ATRNL1: variants seen among roughly 807,000 people sequenced by gnomAD.
ATRNL1 encodes attractin-like protein 1.
ATRNL1 carries 95 observed loss-of-function variants against 182.7 expected under a neutral mutation model. The ratio of observed to expected loss-of-function variants is 0.52; its 90% CI spans 0.44 to 0.62. ATRNL1 has a LOEUF of 0.62. ATRNL1 is among the 20% of genes least tolerant of loss of function. The pLI, the probability that ATRNL1 is intolerant of heterozygous loss-of-function variation, is 0.00. For synonymous variants in ATRNL1, 576 were observed against 568.3 expected (o/e 1.01, Z -0.19); for missense variants, 1,471 against 1,679.5 (o/e 0.88, Z 2.17).
intron 27 of ATRNL1, among the ~76,000 whole-genome samples, chr10:115,809,927 G>A (rs1950010319): frequency 6.6e-6 from 1 of 151,676 alleles, no homozygotes; most frequent in South Asian, 2.1e-4. Context: ...TTAACTTCAG[G>A]TTTTGTAAGA....
At chr10:115,588,256 A>G (rs1855688530) in intron 26 of ATRNL1, among the ~76,000 whole-genome samples, 1 of 152,066 alleles carries the variant, frequency 6.6e-6, no homozygotes, top group African/African-American at 2.4e-5. Context: ...TATGCCATGG[A>G]TGGTGATTTA....
intron 25 of ATRNL1, among the ~76,000 whole-genome samples, chr10:115,535,499 A>T (rs1006723568): frequency 7.3e-5 from 11 of 150,290 alleles, no homozygotes; most frequent in African/African-American, 2.4e-4. Flanking sequence ...TATTCTAGTT[A>T]TACATTAGTC....
At chr10:115,353,034 A>G (rs1215784713) in intron 19 of ATRNL1, among the ~76,000 whole-genome samples, 6 of 152,172 alleles carry the variant, frequency 3.9e-5, no homozygotes, top group African/African-American at 1.4e-4. Context: ...AAGAATGTAT[A>G]TTTTTCACCC....
intron 3 of ATRNL1, 145 bp downstream of exon 3, chr10:115,121,957 G>T (rs975158392): frequency 2.4e-6 from 1 of 410,830 alleles, no homozygotes; most frequent in Non-Finnish European, 4.3e-6. Flanking sequence ...GTTATGTGCT[G>T]TAACTGTCAA....
At chr10:115,790,840 A>G (rs1365819086) in intron 27 of ATRNL1, among the ~76,000 whole-genome samples, 4 of 152,178 alleles carry the variant, frequency 2.6e-5, no homozygotes, top group African/African-American at 7.2e-5. Flanking sequence ...TTTCTTACAC[A>G]TACTTCAAGC....
chr10:115,742,136 A>G (rs546760463), intron 27 of ATRNL1, among the ~76,000 whole-genome samples: 1 of 152,318 alleles, frequency 6.6e-6, no homozygotes, highest in South Asian at 2.1e-4. Context: ...AAGATGAGAA[A>G]GTGGATGCAA....
At chr10:115,710,793 T>C (rs1270197821) in intron 26 of ATRNL1, among the ~76,000 whole-genome samples, 1 of 152,122 alleles carries the variant, frequency 6.6e-6, no homozygotes, top group Non-Finnish European at 1.5e-5. Context: ...AGAGCTAAAA[T>C]AAAATACCCT....
At chr10:115,593,925 A>G (rs1211266647) in intron 26 of ATRNL1, among the ~76,000 whole-genome samples, 2 of 152,096 alleles carry the variant, frequency 1.3e-5, no homozygotes, top group Admixed American at 1.3e-4. Context: ...CCAAATATAT[A>G]TACTTTATTT....
rs1554955083 is a variant in ATRNL1 at position 115,394,652 on chromosome 10, C to T, written c.3176-7C>T. The T allele has an allele frequency of 1.2e-6, 2 of 1,609,602 alleles. No homozygotes were observed. The highest frequency in any genetic ancestry group is 1.7e-6 in the Non-Finnish European group (2 of 1,176,654). On this transcript the variant is annotated splice_polypyrimidine_tract_variant and splice_region_variant and intron_variant, in intron 19 of 28. Coordinates refer to ENST00000355044, the MANE Select transcript of ATRNL1 (RefSeq NM_207303.4). ...ATATTCAATATCATTTTGGTTTTGACTTACAGCTTGTACATGCAGTGGCCA... is the reference window on the plus strand; with the variant it reads ...ATATTCAATATCATTTTGGTTTTGATTTACAGCTTGTACATGCAGTGGCCA...
intron 17 of ATRNL1, among the ~76,000 whole-genome samples, chr10:115,303,909 G>A (rs887719117): frequency 2.6e-5 from 4 of 151,982 alleles, no homozygotes; most frequent in Non-Finnish European, 5.9e-5. Context: ...AATGAGATAG[G>A]GAAAGCAACA....
chr10:115,808,257 A>G (rs1268095421), intron 27 of ATRNL1, among the ~76,000 whole-genome samples: 1 of 152,144 alleles, frequency 6.6e-6, no homozygotes, highest in Non-Finnish European at 1.5e-5. Flanking sequence ...TCGTGTTTTC[A>G]TGTTGGAAAT....
chr10:115,758,928 T>A (rs1464984656), intron 27 of ATRNL1, among the ~76,000 whole-genome samples: 1 of 152,256 alleles, frequency 6.6e-6, no homozygotes, highest in Non-Finnish European at 1.5e-5. Flanking sequence ...ATAGAGTAGA[T>A]GCAACAGAAT....
intron 26 of ATRNL1, among the ~76,000 whole-genome samples, chr10:115,658,563 C>A (rs1860480760): frequency 6.6e-6 from 1 of 152,060 alleles, no homozygotes; most frequent in South Asian, 2.1e-4. Context: ...TTCAAATTAG[C>A]AGCATTCTCC....
intron 26 of ATRNL1, among the ~76,000 whole-genome samples, chr10:115,672,045 T>G (rs1945712418): frequency 6.6e-6 from 1 of 152,130 alleles, no homozygotes; most frequent in Admixed American, 6.6e-5. Context: ...ATATTTTTGG[T>G]CACGACCTCT....
At chr10:115,383,056 G>A (rs2134238130) in intron 19 of ATRNL1, among the ~76,000 whole-genome samples, 1 of 151,298 alleles carries the variant, frequency 6.6e-6, no homozygotes, top group South Asian at 2.1e-4. Flanking sequence ...AATGATGAAA[G>A]AACATTGGAT....
chr10:115,550,025 G>C (rs1304239806), intron 26 of ATRNL1, among the ~76,000 whole-genome samples: 5 of 151,600 alleles, frequency 3.3e-5, no homozygotes, highest in African/African-American at 1.2e-4. Flanking sequence ...TGTTTAAAGA[G>C]CACATCCATT....
rs868969926 is a variant in ATRNL1 at position 115,336,989 on chromosome 10, G to C, written c.3175+2570G>C. 5.2e-3 allele frequency among the ~76,000 whole-genome samples: 741 copies of C among 141,740 alleles called. 4 individuals are homozygous for C. The highest frequency in any genetic ancestry group is 0.017 in the African/African-American group (655 of 38,258). 93.0% of individuals were successfully genotyped at this position (141,740 alleles called of 152,430 possible). On this transcript the variant is annotated intron_variant, in intron 19 of 28. Coordinates refer to ENST00000355044, the MANE Select transcript of ATRNL1 (RefSeq NM_207303.4). ...GCCTCCCAAGTAGCTGGGGGGGGGG[G>C]ACTACAGGGGCCCGCCACCATGCCT...
chr10:115,364,892 C>G (rs1156423795), intron 19 of ATRNL1, among the ~76,000 whole-genome samples: 1,983 of 151,158 alleles, frequency 0.013, 64 homozygotes, highest in African/African-American at 0.047. Flanking sequence ...GGTGGATAAG[C>G]TTTTTGATGT....
At chr10:115,156,683 A>G (rs1238499803) in intron 5 of ATRNL1, among the ~76,000 whole-genome samples, 1 of 152,168 alleles carries the variant, frequency 6.6e-6, no homozygotes, top group African/African-American at 2.4e-5. Context: ...AAATTGCACT[A>G]TAAGGTGAAT....
Sources: allele counts gnomAD v4.1 joint callset (sites outside exome capture counted in the v4.1 genomes callset), GRCh38; gene constraint gnomAD v4.1.1; transcripts MANE v1.5; gene names NCBI Gene and HGNC (gene_info 2026-07-23, HGNC 2026-07-21).